LUZP2: variants seen among roughly 807,000 people sequenced by gnomAD.
LUZP2 encodes the protein leucine zipper protein 2.
In LUZP2, 52 loss-of-function variants were observed where a neutral mutation model predicts 51.6. The observed-to-expected ratio is 1.01, with a 90% CI of 0.81 to 1.27. LUZP2 has a LOEUF of 1.27. Ranked by LOEUF, LUZP2 falls within the 50% of genes most tolerant of loss-of-function variation. LUZP2 has a pLI of 0.00. For synonymous variants in LUZP2, 154 were observed against 137.3 expected, an observed-to-expected ratio of 1.12 and a Z score of -0.85; for missense variants, 436 against 395.4, an observed-to-expected ratio of 1.10 and a Z score of -0.87.
chr11:24,597,386 C>G (rs1349667040), intron 1 of LUZP2, among the ~76,000 whole-genome samples: 1 of 152,140 alleles, frequency 6.6e-6, no homozygotes, highest in Non-Finnish European at 1.5e-5. Context: ...TGGGATAAAA[C>G]ACACTTTAAT....
intron 3 of LUZP2, among the ~76,000 whole-genome samples, chr11:24,734,468 GA>G (rs1156324404): frequency 6.6e-6 from 1 of 151,852 alleles, no homozygotes; most frequent in East Asian, 1.9e-4. Context: ...GTCTTTCAAA[GA>G]GAGGGTAAAA....
At chr11:24,776,349 C>A (rs1037924905) in intron 5 of LUZP2, among the ~76,000 whole-genome samples, 6 of 149,358 alleles carry the variant, frequency 4.0e-5, no homozygotes, top group Admixed American at 2.6e-4. Flanking sequence ...CCTGAGTCAA[C>A]CACCATGGTC....
intron 3 of LUZP2, among the ~76,000 whole-genome samples, chr11:24,737,260 G>A (rs1212562835): frequency 1.3e-5 from 2 of 152,018 alleles, no homozygotes; most frequent in African/African-American, 4.8e-5. Flanking sequence ...CCTTGTTTTT[G>A]GATGAAGAAA....
intron 1 of LUZP2, among the ~76,000 whole-genome samples, chr11:24,537,567 C>G (rs1446027825): frequency 6.6e-6 from 1 of 151,798 alleles, no homozygotes; most frequent in African/African-American, 2.4e-5. Context: ...ATATTCAAAT[C>G]AAAGGTTCTT....
rs575490324 is a variant in LUZP2, at chr11:24,539,372, T to G, written c.62+42067T>G. Among the ~76,000 whole-genome samples the G allele has an allele frequency of 7.2e-5, 11 of 152,040 alleles. No homozygotes were observed. In the South Asian group the frequency reaches 2.1e-3, roughly 29 times the overall value. On this transcript the variant is annotated intron_variant, in intron 1 of 11. Coordinates refer to ENST00000336930, the MANE Select transcript of LUZP2 (RefSeq NM_001009909.4). The stretch of plus-strand genomic sequence containing the variant: ...TTATAATTATGAATAACTCTCCACT[T>G]CACTCTCAAAATTATTTTAGTTTTG...
At chr11:24,968,412 T>C (rs1020999203) in intron 7 of LUZP2, among the ~76,000 whole-genome samples, 2 of 152,180 alleles carry the variant, frequency 1.3e-5, no homozygotes, top group Non-Finnish European at 2.9e-5. Flanking sequence ...GACTGTGGGC[T>C]GTAGTTTGCC....
chr11:24,707,343 T>C (rs945109221), intron 1 of LUZP2, among the ~76,000 whole-genome samples: 3 of 149,946 alleles, frequency 2.0e-5, no homozygotes, highest in Admixed American at 2.0e-4. Context: ...TGTGTCTTTA[T>C]AATATTTTAG....
chr11:24,506,012 T>C (rs1850136715), intron 1 of LUZP2, among the ~76,000 whole-genome samples: 1 of 152,116 alleles, frequency 6.6e-6, no homozygotes, highest in South Asian at 2.1e-4. Flanking sequence ...CAGGACTAAA[T>C]GTGTAAATCA....
At chr11:24,568,324 C>T (rs1269863864) in intron 1 of LUZP2, among the ~76,000 whole-genome samples, 4 of 139,408 alleles carry the variant, frequency 2.9e-5, no homozygotes, top group African/African-American at 1.0e-4. Flanking sequence ...TGTGCCACTG[C>T]ACTAGGCTGA....
At chr11:24,721,624 G>A (rs961143769) in intron 1 of LUZP2, among the ~76,000 whole-genome samples, 1 of 152,126 alleles carries the variant, frequency 6.6e-6, no homozygotes, top group South Asian at 2.1e-4. Context: ...AAAGGATTGT[G>A]CACTGAAAAC....
At chr11:25,023,567 AT>A (rs1052369602) in intron 9 of LUZP2, among the ~76,000 whole-genome samples, 4 of 96,666 alleles carry the variant, frequency 4.1e-5, no homozygotes, top group African/African-American at 2.3e-4. Flanking sequence ...CGGTATATCA[AT>A]TTTCAAAAAA....
chr11:25,019,647 G>A (rs1256787398), intron 9 of LUZP2, among the ~76,000 whole-genome samples: 3 of 152,004 alleles, frequency 2.0e-5, no homozygotes, highest in Non-Finnish European at 4.4e-5. Context: ...CAACTCAATA[G>A]CATTTAATAT....
chr11:24,866,340 T>C (rs1170749201), intron 5 of LUZP2, among the ~76,000 whole-genome samples: 2 of 152,138 alleles, frequency 1.3e-5, no homozygotes, highest in African/African-American at 4.8e-5. Context: ...TCTGTATAAC[T>C]ATCCCATCAG....
In LUZP2 at chr11:25,080,982, C is replaced by T. The variant is rs1403578681; in HGVS notation, c.*2324C>T. ...GTTTTTGTTCTGTATATTCTAAATT[C>T]CTTTTATTAATTCCTGGCTTGATCA... On this transcript the variant is annotated 3_prime_UTR_variant, in exon 12 of 12. Transcript: ENST00000336930. 1 of 149,064 alleles carries T rather than the reference C, an allele frequency of 6.7e-6. No individual in the cohort carries two copies. Among genetic ancestry groups the T allele is most frequent in the Non-Finnish European group, 1.5e-5 (1 of 67,458 alleles). 9.2% of individuals were successfully genotyped at this position (149,064 alleles called of 1,614,324 possible). A position where few individuals can be genotyped will look rare whatever the true frequency, so the allele number is the denominator to read the frequency against.
At chr11:24,753,439 C>G (rs2134013411) in intron 4 of LUZP2, among the ~76,000 whole-genome samples, 1 of 152,160 alleles carries the variant, frequency 6.6e-6, no homozygotes, top group East Asian at 1.9e-4. Flanking sequence ...GCAAGATTCT[C>G]TTTAGAATGA....
intron 9 of LUZP2, among the ~76,000 whole-genome samples, chr11:25,037,292 T>C (rs1857896502): frequency 6.6e-6 from 1 of 152,344 alleles, no homozygotes; most frequent in African/African-American, 2.4e-5. Flanking sequence ...TCTTTTTTGT[T>C]TCCCATTCGC....
At chr11:24,601,904 G>GTA (rs1554961775) in intron 1 of LUZP2, among the ~76,000 whole-genome samples, 1,932 of 76,476 alleles carry the variant, frequency 0.025, 54 homozygotes, top group African/African-American at 0.091. Context: ...ATGTATATAT[G>GTA]TATATATGTA....
chr11:24,615,346 T>C (rs1854251970), intron 1 of LUZP2, among the ~76,000 whole-genome samples: 1 of 152,048 alleles, frequency 6.6e-6, no homozygotes, highest in African/African-American at 2.4e-5. Context: ...CAACCTCTAA[T>C]CTCTTCTCCA....
At chr11:24,576,602 G>A (rs977694615) in intron 1 of LUZP2, among the ~76,000 whole-genome samples, 1 of 151,802 alleles carries the variant, frequency 6.6e-6, no homozygotes, top group East Asian at 1.9e-4. Context: ...GAAAAAACAC[G>A]CGTACAGACA....
Sources: allele counts gnomAD v4.1 joint callset (sites outside exome capture counted in the v4.1 genomes callset), GRCh38; gene constraint gnomAD v4.1.1; transcripts MANE v1.5; gene names NCBI Gene and HGNC (gene_info 2026-07-23, HGNC 2026-07-21).